Variants in STAU1 observed in about 807,000 individuals in gnomAD.
STAU1 encodes staufen double-stranded RNA binding protein 1.
A neutral mutation model predicts 62.9 loss-of-function variants in STAU1; 13 were observed. The observed-to-expected ratio is 0.21, with a 90% CI of 0.13 to 0.33. STAU1 has a LOEUF of 0.33. Ranked by LOEUF, STAU1 falls within the 10% of genes least tolerant of loss-of-function variation. STAU1 has a pLI of 1.00. For missense variants in STAU1, 571 were observed against 712.1 expected, an observed-to-expected ratio of 0.80 and a Z score of 2.25; for synonymous variants, 269 against 265.1, an observed-to-expected ratio of 1.01 and a Z score of -0.14.
chr20:49,165,247 A>G (rs1225751076), intron 3 of STAU1, among the ~76,000 whole-genome samples: 3 of 151,982 alleles, frequency 2.0e-5, no homozygotes, highest in Admixed American at 1.3e-4. Flanking sequence ...GTCTCACCAT[A>G]TTGGCCAGGC....
At chr20:49,168,903 G>A (rs892862022) in intron 2 of STAU1, among the ~76,000 whole-genome samples, 1 of 151,222 alleles carries the variant, frequency 6.6e-6, no homozygotes, top group East Asian at 1.9e-4. Flanking sequence ...TTCTTAGACA[G>A]GAAAAGAAAA....
chr20:49,200,192 A>G, the STAU1 span, among the ~76,000 whole-genome samples: 1 of 152,238 alleles, frequency 6.6e-6, no homozygotes, highest in African/African-American at 2.4e-5. Context: ...CCATGTTTAT[A>G]GTAGCTTAAT....
At chr20:49,206,269 C>T in the STAU1 span, among the ~76,000 whole-genome samples, 1 of 151,732 alleles carries the variant, frequency 6.6e-6, no homozygotes, top group East Asian at 1.9e-4. Flanking sequence ...GCTGGGATTA[C>T]AGGCGTGAGC....
intron 2 of STAU1, among the ~76,000 whole-genome samples, chr20:49,171,304 A>ATTTTTTTTTTTTTTTTTTTTTT (rs2093593492): frequency 6.6e-6 from 1 of 152,132 alleles, no homozygotes; most frequent in Admixed American, 6.5e-5. Context: ...TTATTTATTT[A>ATTTTTTTTTTTTTTTTTTTTTT]TTTTTATTGA....
At chr20:49,152,534 G>T (rs2093272487) in intron 4 of STAU1, among the ~76,000 whole-genome samples, 1 of 151,708 alleles carries the variant, frequency 6.6e-6, no homozygotes, top group Non-Finnish European at 1.5e-5. Context: ...TAGAGACAGG[G>T]TTTCACCATG....
intron 1 of STAU1, among the ~76,000 whole-genome samples, chr20:49,187,046 A>C (rs2093796774): frequency 6.6e-6 from 1 of 152,128 alleles, no homozygotes; most frequent in African/African-American, 2.4e-5. Context: ...GTGAAAAAAA[A>C]CTTATCGAGG....
At chr20:49,137,543 G>C (rs1380369076) in intron 5 of STAU1, among the ~76,000 whole-genome samples, 1 of 152,144 alleles carries the variant, frequency 6.6e-6, no homozygotes, top group Non-Finnish European at 1.5e-5. Flanking sequence ...TCCTGCTTCT[G>C]AGATTAGAAC....
intron 5 of STAU1, among the ~76,000 whole-genome samples, chr20:49,137,062 G>A (rs1162298972): frequency 6.6e-6 from 1 of 152,182 alleles, no homozygotes; most frequent in Non-Finnish European, 1.5e-5. Flanking sequence ...TACTCAGCAA[G>A]GTGACAGTTG....
At chr20:49,160,545 T>C (rs2093432647) in intron 3 of STAU1, among the ~76,000 whole-genome samples, 1 of 152,228 alleles carries the variant, frequency 6.6e-6, no homozygotes, top group South Asian at 2.1e-4. Context: ...AAGAATTAAG[T>C]TCCAGAATGT....
At chr20:49,158,630 T>C (rs1004642394) in intron 3 of STAU1, 4 of 649,254 alleles carry the variant, frequency 6.2e-6, no homozygotes, top group African/African-American at 1.9e-5. Flanking sequence ...GCCTACATAG[T>C]GAAACCCCAT....
At chr20:49,164,931 G>A (rs950252442) in intron 3 of STAU1, among the ~76,000 whole-genome samples, 5 of 151,752 alleles carry the variant, frequency 3.3e-5, no homozygotes, top group Non-Finnish European at 7.4e-5. Flanking sequence ...GTACTTTTTT[G>A]CTTTCTAGTA....
chr20:49,117,976 T>C lies in STAU1; in HGVS notation c.1310A>G (p.Lys437Arg), dbSNP rs779184894. The change falls in exon 11 of 14, where the codon AAA (lysine) becomes AGA (arginine). Residue 437 changes from lysine (K) to arginine (R), a missense_variant. This residue lies in a region of STAU1 where 156 missense variants were observed against 194.7 expected (regional missense o/e 0.80). Transcript: ENST00000371856. This position sits in a 1 kb window ranked among gnomAD's most constrained non-coding sequence, Gnocchi z 4.6. ...AVGVSQGHHT[K>R]DFTRAAPNPA... Reference sequence around the variant, plus strand: ...ATTCGGAGCTGCCCTGGTAAAATCTTTGGTGTGATGTCCTTGACTAACTCC... The same window carrying C: ...ATTCGGAGCTGCCCTGGTAAAATCTCTGGTGTGATGTCCTTGACTAACTCC... 37 of 1,614,048 alleles carry C rather than the reference T, an allele frequency of 2.3e-5. No homozygotes were observed. Among genetic ancestry groups the C allele is most frequent in the Middle Eastern group, 3.3e-4 (2 of 6,084 alleles).
the STAU1 span, among the ~76,000 whole-genome samples, chr20:49,215,700 A>C: frequency 2.0e-5 from 3 of 152,192 alleles, no homozygotes; most frequent in African/African-American, 7.2e-5. Context: ...CTCCGAGAAT[A>C]AAATCAGTAG....
chr20:49,169,241 C>A (rs773933401), intron 2 of STAU1, among the ~76,000 whole-genome samples: 2 of 152,088 alleles, frequency 1.3e-5, no homozygotes, highest in African/African-American at 4.8e-5. Flanking sequence ...TGAGCCACTG[C>A]GCCTGGCCTG....
At chr20:49,217,572 A>G in the STAU1 span, among the ~76,000 whole-genome samples, 1 of 151,766 alleles carries the variant, frequency 6.6e-6, no homozygotes, top group Non-Finnish European at 1.5e-5. Flanking sequence ...TTATTTTATA[A>G]ATAACTAGGA....
intron 6 of STAU1, among the ~76,000 whole-genome samples, chr20:49,127,267 T>C (rs1227065619): frequency 3.9e-5 from 6 of 152,016 alleles, no homozygotes; most frequent in Non-Finnish European, 5.9e-5. Context: ...GACAGGAGAA[T>C]TGCTTGAACC....
At position 49,180,603 on chromosome 20, in the gene STAU1, C is replaced by T. The variant is rs147381958; in HGVS notation, c.-159-6334G>A. Among the ~76,000 whole-genome samples the T allele has an allele frequency of 2.7e-4, 41 of 152,320 alleles. No individual in the cohort carries two copies. The East Asian group carries it at 6.4e-3, about 24-fold the overall frequency. On this transcript the variant is annotated intron_variant, in intron 1 of 13. Transcript: ENST00000371856. ...CCTCCCAAAGTGACGGAATTACAGG[C>T]GTGGGCCACCATGCCAGCAATTTTT...
intron 1 of STAU1, among the ~76,000 whole-genome samples, chr20:49,175,858 A>G (rs1390558364): frequency 4.3e-4 from 53 of 123,400 alleles, no homozygotes; most frequent in African/African-American, 1.7e-3. Context: ...GCAGTGGCGC[A>G]ATCTCGGCTC....
chr20:49,155,124 G>GTT (rs924156862), intron 3 of STAU1, among the ~76,000 whole-genome samples: 3 of 151,826 alleles, frequency 2.0e-5, no homozygotes, highest in African/African-American at 7.2e-5. Context: ...CCCCAGAGGA[G>GTT]TTCAAAAAAC....
Sources: allele counts gnomAD v4.1 joint callset (sites outside exome capture counted in the v4.1 genomes callset), GRCh38; gene constraint gnomAD v4.1.1; regional missense constraint gnomAD v4.1.1; non-coding constraint Gnocchi (gnomAD v3.1); transcripts MANE v1.5; gene names NCBI Gene and HGNC (gene_info 2026-07-23, HGNC 2026-07-21).